Variants in TMOD1 observed in about 807,000 individuals in gnomAD.
TMOD1 encodes the protein tropomodulin-1.
Under a neutral mutation model 40.6 loss-of-function variants are expected in TMOD1, and 17 were observed. The ratio of observed to expected loss-of-function variants is 0.42; its 90% confidence interval spans 0.29 to 0.63. The LOEUF (loss-of-function observed/expected upper bound fraction) is 0.63, where lower values mean the gene tolerates loss of function less well. TMOD1 is among the 20% of genes least tolerant of loss of function. TMOD1 has a pLI of 0.22. For synonymous variants in TMOD1, 181 were observed against 175.0 expected (o/e 1.03, Z -0.27); for missense variants, 391 against 447.6 (o/e 0.87, Z 1.14).
intron 8 of TMOD1, among the ~76,000 whole-genome samples, chr9:97,588,864 T>A (rs1825937508): frequency 6.6e-6 from 1 of 152,278 alleles, no homozygotes; most frequent in Non-Finnish European, 1.5e-5. Context: ...CTCACGCCTA[T>A]GATCCCAGAA....
intron 8 of TMOD1, among the ~76,000 whole-genome samples, chr9:97,586,105 T>A (rs2131287041): frequency 6.6e-6 from 1 of 151,354 alleles, no homozygotes; most frequent in South Asian, 2.1e-4. Flanking sequence ...TTCCAGTTTT[T>A]CTGTTCTGTT....
At chr9:97,589,755 A>G in intron 8 of TMOD1, among the ~76,000 whole-genome samples, 1 of 152,128 alleles carries the variant, frequency 6.6e-6, no homozygotes, top group Admixed American at 6.5e-5. Context: ...TGTTGGTGAG[A>G]GCAAACATCC....
At chr9:97,555,957 G>T (rs1011308044) in intron 4 of TMOD1, among the ~76,000 whole-genome samples, 1 of 152,192 alleles carries the variant, frequency 6.6e-6, no homozygotes, top group Admixed American at 6.5e-5. Flanking sequence ...GCAACAGAGG[G>T]TGATGGGCAA....
chr9:97,573,203 C>T (rs2131273621), intron 8 of TMOD1, among the ~76,000 whole-genome samples: 1 of 152,314 alleles, frequency 6.6e-6, no homozygotes, highest in African/African-American at 2.4e-5. Context: ...GCTGCTCTCA[C>T]CAAACTCTCC....
At position 97,601,486 on chromosome 9, in the gene TMOD1, A is replaced by G. The variant is rs980209751; in HGVS notation, c.*1788A>G. 7.1e-6 allele frequency: 7 copies of G among 992,686 alleles called. No individual in the cohort carries two copies. The highest frequency in any genetic ancestry group is 7.2e-6 in the Non-Finnish European group (6 of 834,228). 61.5% of individuals were successfully genotyped at this position (992,686 alleles called of 1,614,324 possible). On this transcript the variant is annotated 3_prime_UTR_variant, in exon 10 of 10. Transcript: ENST00000259365. Reference sequence around the variant, plus strand: ...AAGTGCTGGGGAAAGCAGAGCTATCAGAGGAAATCTCTCATAGAAACGAAA... The same window carrying G: ...AAGTGCTGGGGAAAGCAGAGCTATCGGAGGAAATCTCTCATAGAAACGAAA...
chr9:97,563,827 C>T (rs985224799), intron 5 of TMOD1, among the ~76,000 whole-genome samples: 5 of 152,196 alleles, frequency 3.3e-5, no homozygotes, highest in Admixed American at 1.3e-4. Context: ...TCTTGCAGGA[C>T]GTCAAAGGCA....
At position 97,599,763 on chromosome 9, in the gene TMOD1, G is replaced by A. The variant is rs1390823811; in HGVS notation, c.*65G>A. ...TCTATTGATGACCTGTGCTCTGCAGGGGAAACCAGAAGGCAAAATGCTGGC... is the reference window on the plus strand; with the variant it reads ...TCTATTGATGACCTGTGCTCTGCAGAGGAAACCAGAAGGCAAAATGCTGGC... On this transcript the variant is annotated 3_prime_UTR_variant, in exon 10 of 10. Coordinates refer to ENST00000259365, the MANE Select transcript of TMOD1 (RefSeq NM_003275.4). 1 of 1,610,682 alleles carries A rather than the reference G, an allele frequency of 6.2e-7. No individual in the cohort carries two copies. The highest frequency in any genetic ancestry group is 2.2e-5 in the East Asian group (1 of 44,798).
chr9:97,569,269 G>A (rs576703658), intron 8 of TMOD1, among the ~76,000 whole-genome samples: 2 of 152,228 alleles, frequency 1.3e-5, no homozygotes, highest in East Asian at 3.9e-4. Flanking sequence ...TCATGATGGG[G>A]GACACACTCC....
intron 2 of TMOD1, among the ~76,000 whole-genome samples, chr9:97,534,291 C>T (rs1830146650): frequency 6.6e-6 from 1 of 152,166 alleles, no homozygotes; most frequent in African/African-American, 2.4e-5. Flanking sequence ...ACTGTGGGTT[C>T]ACTAGTGTGA....
intron 8 of TMOD1, among the ~76,000 whole-genome samples, chr9:97,585,425 G>A (rs1485990355): frequency 1.3e-5 from 2 of 151,334 alleles, no homozygotes; most frequent in Middle Eastern, 3.2e-3. Flanking sequence ...TTTCTCTCTG[G>A]CTGCCCTTAA....
In TMOD1 at chr9:97,524,145, T is replaced by C; in HGVS notation, c.-44T>C. ...AGGTTCTTGTCTTTCTGGTAGGTATTACTCAGCACAGAAATTCAGGAGACA... is the reference window on the plus strand; with the variant it reads ...AGGTTCTTGTCTTTCTGGTAGGTATCACTCAGCACAGAAATTCAGGAGACA... On this transcript the variant is annotated 5_prime_UTR_variant, in exon 2 of 10. Coordinates refer to ENST00000259365, the MANE Select transcript of TMOD1 (RefSeq NM_003275.4). 1.2e-6 allele frequency: 2 copies of C among 1,603,628 alleles called. No homozygotes were observed. Among genetic ancestry groups the C allele is most frequent in the Non-Finnish European group, 1.7e-6 (2 of 1,175,486 alleles).
At chr9:97,569,091 T>G (rs1277780596) in intron 8 of TMOD1, 54 bp downstream of exon 8, 1 of 1,597,668 alleles carries the variant, frequency 6.3e-7, no homozygotes, top group African/African-American at 1.3e-5. Flanking sequence ...CTCGCTGGCC[T>G]GCAGTGTTTC....
intron 1 of TMOD1, among the ~76,000 whole-genome samples, chr9:97,521,589 A>G (rs945090354): frequency 6.6e-6 from 1 of 152,200 alleles, no homozygotes; most frequent in Non-Finnish European, 1.5e-5. Context: ...ATACCAGAGC[A>G]CTGTCAGCTG....
Position 97,546,174 on chromosome 9 carries a change from C to T in TMOD1, c.121-11C>T. ...TCTCTCTCTCCTGCCCCCCCACAAC[C>T]TCCAATGTAGAATGCACTGCTGCCT... On this transcript the variant is annotated splice_polypyrimidine_tract_variant and intron_variant, in intron 2 of 9. Coordinates refer to ENST00000259365, the MANE Select transcript of TMOD1 (RefSeq NM_003275.4). 8 of 1,602,334 alleles carry T rather than the reference C, an allele frequency of 5.0e-6. No homozygotes were observed. The East Asian group carries it at 1.8e-4, about 36-fold the overall frequency.
intron 1 of TMOD1, among the ~76,000 whole-genome samples, chr9:97,514,260 CT>C (rs1293453937): frequency 2.2e-5 from 3 of 137,990 alleles, no homozygotes; most frequent in Non-Finnish European, 4.7e-5. Flanking sequence ...GTTGTGTTTT[CT>C]TTTTTTTCTT....
At chr9:97,550,682 G>T (rs953491627) in intron 3 of TMOD1, among the ~76,000 whole-genome samples, 2 of 152,114 alleles carry the variant, frequency 1.3e-5, no homozygotes, top group Non-Finnish European at 2.9e-5. Flanking sequence ...TTGGAGAAAT[G>T]TTTATTCAAG....
chr9:97,526,842 T>A (rs549883922), intron 2 of TMOD1, among the ~76,000 whole-genome samples: 1 of 152,296 alleles, frequency 6.6e-6, no homozygotes, highest in South Asian at 2.1e-4. Context: ...ATTTTCAGGG[T>A]TAAGCTAACC....
chr9:97,581,742 C>T (rs1468450190), intron 8 of TMOD1, among the ~76,000 whole-genome samples: 1 of 151,890 alleles, frequency 6.6e-6, no homozygotes, highest in African/African-American at 2.4e-5. Flanking sequence ...TCTCTGATGG[C>T]CAGTGATGAT....
chr9:97,549,284 C>A (rs1189158061), intron 3 of TMOD1, among the ~76,000 whole-genome samples: 1 of 152,134 alleles, frequency 6.6e-6, no homozygotes. Flanking sequence ...TTCTGCCACC[C>A]CTACAACCTG....
Sources: allele counts gnomAD v4.1 joint callset (sites outside exome capture counted in the v4.1 genomes callset), GRCh38; gene constraint gnomAD v4.1.1; transcripts MANE v1.5; gene names NCBI Gene and HGNC (gene_info 2026-07-23, HGNC 2026-07-21).